Variants in HS6ST2 observed in about 807,000 individuals in gnomAD.
HS6ST2 encodes heparan sulfate 6-O-sulfotransferase 2, also known as heparan-sulfate 6-O-sulfotransferase 2.
HS6ST2 carries 17 observed loss-of-function variants against 33.0 expected under a neutral mutation model. That is an observed-to-expected ratio of 0.52 (90% confidence interval 0.35 to 0.77). HS6ST2 has a LOEUF of 0.77. Ranked by LOEUF, HS6ST2 falls within the 30% of genes least tolerant of loss-of-function variation. The pLI is 0.01. For missense variants in HS6ST2, 519 were observed against 551.7 expected, an observed-to-expected ratio of 0.94 and a Z score of 0.59; for synonymous variants, 248 against 237.1, an observed-to-expected ratio of 1.05 and a Z score of -0.42.
At chrX:132,927,734 G>T (rs999150260) in intron 2 of HS6ST2, among the ~76,000 whole-genome samples, 2 of 110,709 alleles carry the variant, frequency 1.8e-5, no homozygotes, top group African/African-American at 6.6e-5. Flanking sequence ...GCATGTGCCT[G>T]TAGTTCCAGC....
chrX:132,942,020 T>C (rs1357007074), intron 2 of HS6ST2, among the ~76,000 whole-genome samples: 1 of 111,950 alleles, frequency 8.9e-6, no homozygotes, highest in African/African-American at 3.2e-5. Flanking sequence ...GTTCATGAAG[T>C]TTTTTATTGA....
intron 2 of HS6ST2, among the ~76,000 whole-genome samples, chrX:132,779,201 A>G (rs1310952956): frequency 8.9e-6 from 1 of 111,765 alleles, no homozygotes; most frequent in East Asian, 2.8e-4. Context: ...ATCCACTCTG[A>G]AAACAAGACT....
intron 2 of HS6ST2, among the ~76,000 whole-genome samples, chrX:132,793,663 C>A (rs910809230): frequency 1.8e-5 from 2 of 111,944 alleles, no homozygotes; most frequent in African/African-American, 6.5e-5. Flanking sequence ...GCATGGTGTA[C>A]AGATGTCAAA....
intron 4 of HS6ST2, among the ~76,000 whole-genome samples, chrX:132,643,966 C>T (rs1438481132): frequency 8.9e-6 from 1 of 111,932 alleles, no homozygotes; most frequent in Non-Finnish European, 1.9e-5. Flanking sequence ...GCTTTCCCTC[C>T]TGGCTTGGGC....
Position 132,806,347 on chromosome X carries a change from AT to A in HS6ST2, c.948-97854del, listed in dbSNP as rs777770610. ...CATTTGTCTTACATGGACCTGTGTA[AT>A]TTTTTTTTTTTCTTTTTGTTATGAC... On this transcript the variant is annotated intron_variant, in intron 2 of 4. Coordinates refer to ENST00000370833, the MANE Select transcript of HS6ST2 (RefSeq NM_001394073.1). Among the ~76,000 whole-genome samples the A allele has an allele frequency of 2.6e-3, 285 of 107,848 alleles. 4 individuals are homozygous for A. The highest frequency in any genetic ancestry group is 0.014 in the Middle Eastern group (3 of 208). 93.7% of individuals were successfully genotyped at this position (107,848 alleles called of 115,157 possible).
intron 2 of HS6ST2, among the ~76,000 whole-genome samples, chrX:132,718,067 A>C (rs1245974605): frequency 8.9e-6 from 1 of 112,400 alleles, no homozygotes; most frequent in Non-Finnish European, 1.9e-5. Flanking sequence ...CCTAAATGAC[A>C]AACAATAACA....
chrX:132,947,215 A>G (rs758811868), intron 2 of HS6ST2, among the ~76,000 whole-genome samples: 27 of 107,985 alleles, frequency 2.5e-4, no homozygotes, highest in African/African-American at 6.7e-4. Context: ...ATATATATAT[A>G]TGTGTGTGTG....
intron 3 of HS6ST2, among the ~76,000 whole-genome samples, chrX:132,697,810 A>C (rs1024626618): frequency 9.0e-6 from 1 of 111,712 alleles, no homozygotes; most frequent in Non-Finnish European, 1.9e-5. Flanking sequence ...ATCTCTCTCT[A>C]ATTCACCTCT....
At chrX:132,767,905 A>G (rs751271067) in intron 2 of HS6ST2, among the ~76,000 whole-genome samples, 1 of 111,571 alleles carries the variant, frequency 9.0e-6, no homozygotes, top group Admixed American at 9.6e-5. Context: ...TGAGATTCAA[A>G]ACAACACCTG....
chrX:132,697,994 T>C (rs759326787), intron 3 of HS6ST2, among the ~76,000 whole-genome samples: 1 of 111,996 alleles, frequency 8.9e-6, no homozygotes, highest in South Asian at 3.7e-4. Context: ...GGGACATGTC[T>C]AGAACGATCA....
At position 132,879,571 on chromosome X, in the gene HS6ST2, A is replaced by G. The variant is rs2066144752; in HGVS notation, c.947+77237T>C. On this transcript the variant is annotated intron_variant, in intron 2 of 4. Transcript: ENST00000370833. ...CACAAAGAGGTGGTTAAACTAAGGA[A>G]GCACAGGGTTTCTCTCAAGGAGGCT... Among the ~76,000 whole-genome samples the G allele has an allele frequency of 3.6e-5, 4 of 112,182 alleles. No homozygotes were observed. In the South Asian group the frequency reaches 1.5e-3, roughly 42 times the overall value.
rs891338600 is a variant in HS6ST2 at position 132,634,411 on chromosome X, G to A, written c.1068-5318C>T. ...GGACAGGACTTTCTTGTGACCAAAT[G>A]TATCACCTAATTAAAATGACAAGGT... On this transcript the variant is annotated intron_variant, in intron 4 of 4. Transcript: ENST00000370833. Among the ~76,000 whole-genome samples the A allele has an allele frequency of 3.6e-5, 4 of 112,174 alleles. No homozygotes were observed. In the Admixed American group the frequency reaches 3.8e-4, roughly 11 times the overall value.
chrX:132,843,575 T>C (rs2065725438), intron 2 of HS6ST2, among the ~76,000 whole-genome samples: 1 of 111,688 alleles, frequency 9.0e-6, no homozygotes, highest in African/African-American at 3.3e-5. Context: ...GAGGAGGCTT[T>C]AGCAATCAAC....
intron 2 of HS6ST2, among the ~76,000 whole-genome samples, chrX:132,939,761 T>C (rs781638619): frequency 1.8e-5 from 2 of 111,703 alleles, no homozygotes; most frequent in South Asian, 7.5e-4. Flanking sequence ...AAACTTACAA[T>C]CTAAAGGCTT....
At chrX:132,682,692 TTGTC>T (rs1454965909) in intron 3 of HS6ST2, among the ~76,000 whole-genome samples, 1 of 109,438 alleles carries the variant, frequency 9.1e-6, no homozygotes, top group Admixed American at 9.7e-5. Flanking sequence ...ATTCTCAGCT[TTGTC>T]TGTGGCTTGT....
Position 132,631,232 on chromosome X carries a change from C to CA in HS6ST2, c.1068-2140dup, listed in dbSNP as rs766139430. On this transcript the variant is annotated intron_variant, in intron 4 of 4. Transcript: ENST00000370833. ...TCTGGATAATCTTCTAAGTGCCTTG[C>CA]AAAAAATCACAGGAAGGTTTTTCTT... 3.1e-3 allele frequency among the ~76,000 whole-genome samples: 347 copies of CA among 111,469 alleles called. 1 individual carries two copies. The highest frequency in any genetic ancestry group is 0.031 in the Admixed American group (320 of 10,487).
intron 2 of HS6ST2, among the ~76,000 whole-genome samples, chrX:132,948,417 A>C (rs1244227587): frequency 2.7e-5 from 3 of 112,489 alleles, no homozygotes; most frequent in Non-Finnish European, 3.8e-5. Flanking sequence ...GCCAAGTTAT[A>C]AATATGGAAT....
At chrX:132,771,268 A>T (rs191650304) in intron 2 of HS6ST2, among the ~76,000 whole-genome samples, 67 of 112,177 alleles carry the variant, frequency 6.0e-4, no homozygotes, top group Admixed American at 5.7e-4. Flanking sequence ...GGGTTGTGAC[A>T]CTGCAGGTGA....
At chrX:132,672,970 A>G (rs1284320521) in intron 3 of HS6ST2, among the ~76,000 whole-genome samples, 1 of 112,089 alleles carries the variant, frequency 8.9e-6, no homozygotes, top group Non-Finnish European at 1.9e-5. Context: ...GATGGGTGGC[A>G]TATAGAAACT....
Sources: allele counts gnomAD v4.1 joint callset (sites outside exome capture counted in the v4.1 genomes callset), GRCh38; gene constraint gnomAD v4.1.1; transcripts MANE v1.5; gene names NCBI Gene and HGNC (gene_info 2026-07-23, HGNC 2026-07-21).